GLIS3: variants seen among roughly 807,000 people sequenced by gnomAD.
GLIS3 encodes the protein zinc finger protein GLIS3.
A neutral mutation model predicts 78.6 loss-of-function variants in GLIS3; 53 were observed. The observed-to-expected ratio is 0.67, with a 90% CI of 0.54 to 0.85. The LOEUF is 0.85. GLIS3 is among the 40% of genes least tolerant of loss of function. The pLI is 0.00. For missense variants in GLIS3, 1,703 were observed against 1,231.1 expected (o/e 1.38, Z -5.74); for synonymous variants, 684 against 509.9 (o/e 1.34, Z -4.60).
chr9:4,056,093 C>G (rs1826135944), intron 4 of GLIS3, among the ~76,000 whole-genome samples: 1 of 152,172 alleles, frequency 6.6e-6, no homozygotes, highest in Non-Finnish European at 1.5e-5. Context: ...AGGCATCATC[C>G]AGCCCCCATT....
chr9:4,139,690 T>C (rs73394555), intron 2 of GLIS3, among the ~76,000 whole-genome samples: 4,227 of 152,070 alleles, frequency 0.028, 206 homozygotes, highest in African/African-American at 0.097. Flanking sequence ...TTGGGTGGGG[T>C]TCAGGATGAA....
At chr9:4,244,145 G>A (rs999095989) in intron 2 of GLIS3, among the ~76,000 whole-genome samples, 7 of 152,056 alleles carry the variant, frequency 4.6e-5, no homozygotes, top group Non-Finnish European at 5.9e-5. Flanking sequence ...CAGCTCATCC[G>A]TACTCTGTAC....
rs1455778852 is a variant in GLIS3, at chr9:4,197,909, C to T, written c.389-71968G>A. ...CCCAGCATTCTCTACAATCACGCCC[C>T]CTAGGAAGGGAGGGGAAAGGGAAAG... On this transcript the variant is annotated intron_variant, in intron 2 of 10. Coordinates refer to ENST00000381971, the MANE Select transcript of GLIS3 (RefSeq NM_001042413.2). Among the ~76,000 whole-genome samples the T allele has an allele frequency of 2.0e-5, 3 of 151,658 alleles. No homozygotes were observed. The East Asian group carries it at 5.8e-4, about 29-fold the overall frequency.
chr9:4,273,464 A>C (rs67897310), intron 2 of GLIS3, among the ~76,000 whole-genome samples: 7,093 of 152,120 alleles, frequency 0.047, 363 homozygotes, highest in African/African-American at 0.12. Flanking sequence ...ATGGTAGCTA[A>C]TGCCTGTGGT....
chr9:4,305,662 G>A (rs1817208862), intron 4 of GLIS3: 1 of 152,248 alleles, frequency 6.6e-6, no homozygotes, highest in Admixed American at 6.5e-5. Flanking sequence ...TAAATGAGAT[G>A]TGAACAGGAA....
chr9:3,829,535 C>G (rs1451625254), intron 9 of GLIS3, 43 bp from the exon 10 acceptor site: 9 of 1,606,088 alleles, frequency 5.6e-6, no homozygotes, highest in African/African-American at 1.3e-5. Context: ...CCTTTGGGCA[C>G]AAGTTCCACA....
intron 6 of GLIS3, among the ~76,000 whole-genome samples, chr9:3,909,342 A>G (rs1179087570): frequency 1.3e-5 from 2 of 152,238 alleles, no homozygotes; most frequent in African/African-American, 4.8e-5. Context: ...ACTGACATGT[A>G]GGAAGTGGCT....
At chr9:4,397,249 T>C in the GLIS3 span, among the ~76,000 whole-genome samples, 3 of 147,522 alleles carry the variant, frequency 2.0e-5, no homozygotes, top group Non-Finnish European at 3.0e-5. Context: ...ATGGTCTCGA[T>C]CTCCTGACCT....
the GLIS3 span, among the ~76,000 whole-genome samples, chr9:4,422,198 T>C: frequency 8.0e-4 from 122 of 152,356 alleles, no homozygotes; most frequent in African/African-American, 2.8e-3. Flanking sequence ...TTCAACACTT[T>C]GATGATTGTA....
intron 4 of GLIS3, among the ~76,000 whole-genome samples, chr9:4,019,789 G>T (rs998267104): frequency 6.6e-6 from 1 of 152,134 alleles, no homozygotes; most frequent in African/African-American, 2.4e-5. Flanking sequence ...CTAGAGTGCA[G>T]TGGGGCAATC....
chr9:4,122,433 C>T (rs1433110586), intron 3 of GLIS3, among the ~76,000 whole-genome samples: 1 of 152,168 alleles, frequency 6.6e-6, no homozygotes, highest in African/African-American at 2.4e-5. Context: ...GGAGTGCATC[C>T]TCAACCCCCT....
At chr9:4,317,435 C>T (rs181184153) in intron 2 of GLIS3, among the ~76,000 whole-genome samples, 42 of 152,316 alleles carry the variant, frequency 2.8e-4, no homozygotes, top group African/African-American at 1.0e-3. Context: ...CACTTGAGAA[C>T]CACTGCTTTA....
intron 2 of GLIS3, among the ~76,000 whole-genome samples, chr9:4,185,512 T>C (rs949078471): frequency 5.9e-5 from 9 of 152,228 alleles, no homozygotes; most frequent in African/African-American, 1.9e-4. Context: ...CTTTATATTT[T>C]AACATCCTGA....
chr9:4,329,506 C>A (rs1443388633), intron 2 of GLIS3, among the ~76,000 whole-genome samples: 16 of 152,120 alleles, frequency 1.1e-4, no homozygotes, highest in Admixed American at 1.0e-3. Flanking sequence ...ATAAGACCAC[C>A]ATAACCCCAC....
Position 4,245,992 on chromosome 9 carries a change from T to A in GLIS3, c.388+40046A>T, listed in dbSNP as rs1166544679. Among the ~76,000 whole-genome samples, 5 of 152,222 alleles carry A rather than the reference T, an allele frequency of 3.3e-5. No individual in the cohort carries two copies. In the East Asian group the frequency reaches 9.6e-4, roughly 29 times the overall value. Reference sequence around the variant, plus strand: ...GAGAAAAGTAATTCTCGGCTGTGTTTCTACCTCCTCTATCTGCCAGAAAAG... The same window carrying A: ...GAGAAAAGTAATTCTCGGCTGTGTTACTACCTCCTCTATCTGCCAGAAAAG... On this transcript the variant is annotated intron_variant, in intron 2 of 10. Coordinates refer to ENST00000381971, the MANE Select transcript of GLIS3 (RefSeq NM_001042413.2).
intron 2 of GLIS3, among the ~76,000 whole-genome samples, chr9:4,341,488 C>G (rs1817834024): frequency 6.6e-6 from 1 of 152,238 alleles, no homozygotes; most frequent in Non-Finnish European, 1.5e-5. Context: ...CCAGTAGATC[C>G]TTAATGCTGC....
chr9:3,835,896 T>A (rs575418178), intron 9 of GLIS3, among the ~76,000 whole-genome samples: 1 of 152,352 alleles, frequency 6.6e-6, no homozygotes, highest in South Asian at 2.1e-4. Flanking sequence ...CCATGCCTTT[T>A]TGGAGCCTGC....
chr9:3,863,763 T>C (rs958445990), intron 8 of GLIS3, among the ~76,000 whole-genome samples: 4 of 152,202 alleles, frequency 2.6e-5, no homozygotes, highest in Non-Finnish European at 5.9e-5. Context: ...GTTTCTCCTC[T>C]TGGGTGTAGG....
chr9:3,829,831 G>A (rs958061645), intron 9 of GLIS3, among the ~76,000 whole-genome samples: 10 of 152,096 alleles, frequency 6.6e-5, no homozygotes, highest in Admixed American at 2.0e-4. Context: ...AGACTCTCCC[G>A]TCGGCATTTA....
Sources: gnomAD v4.1 joint callset for allele counts (sites outside exome capture counted in the v4.1 genomes callset) on GRCh38, gnomAD v4.1.1 for gene constraint, MANE v1.5 for transcripts, NCBI Gene and HGNC (gene_info 2026-07-23, HGNC 2026-07-21) for gene names.